The following ITGB2 variants were observed in gnomAD, a reference collection of about 807,000 sequenced individuals.
ITGB2 encodes integrin beta-2.
In ITGB2, 56 loss-of-function variants were observed where a neutral mutation model predicts 86.8. The observed-to-expected ratio is 0.65, with a 90% CI of 0.52 to 0.81. The LOEUF (loss-of-function observed/expected upper bound fraction) is 0.81, where lower values mean the gene tolerates loss of function less well. Among genes scored for constraint, ITGB2 ranks in the 30% least tolerant of loss-of-function variants. The probability of loss-of-function intolerance (pLI) is 0.00; values close to 1 mark genes in which losing one functional copy is unlikely to be tolerated. For synonymous variants in ITGB2, 457 were observed against 450.4 expected (o/e 1.01, Z -0.19); for missense variants, 948 against 1,061.2 (o/e 0.89, Z 1.48).
intron 1 of ITGB2, among the ~76,000 whole-genome samples, chr21:44,919,036 C>A (rs1238473573): frequency 6.6e-6 from 1 of 151,316 alleles, no homozygotes; most frequent in African/African-American, 2.4e-5. Flanking sequence ...TGCAGTTGCT[C>A]AGCTGTTCAT....
chr21:44,914,919 C>T (rs1010385464), intron 1 of ITGB2, among the ~76,000 whole-genome samples: 2 of 149,022 alleles, frequency 1.3e-5, no homozygotes, highest in South Asian at 4.3e-4. Context: ...GTTGACAGAA[C>T]GAGGCCCTGT....
intron 14 of ITGB2, 110 bp downstream of exon 14, chr21:44,888,582 TG>T: frequency 7.9e-7 from 1 of 1,264,520 alleles, no homozygotes; most frequent in Non-Finnish European, 1.1e-6. Context: ...TCCACCCTGC[TG>T]GGCCCACAAC....
Position 44,903,510 on chromosome 21 carries a change from G to T in ITGB2, c.354C>A (p.Thr118=), listed in dbSNP as rs1002639143. Residue 118 remains threonine, a synonymous_variant, in exon 5 of 16, where the codon ACC becomes ACA. Coordinates refer to ENST00000652462, the MANE Select transcript of ITGB2 (RefSeq NM_000211.5). ...RPGQAAAFNV[T]FRRAKGYPID... is the part of the protein sequence containing the mutation. Reference sequence around the variant, plus strand: ...TGGGGTAGCCCTTGGCCCGCCGGAAGGTCACGTTGAACGCTGCTGCCTGGC... The same window carrying T: ...TGGGGTAGCCCTTGGCCCGCCGGAATGTCACGTTGAACGCTGCTGCCTGGC... The T allele has an allele frequency of 1.2e-6, 2 of 1,613,982 alleles. No homozygotes were observed. The highest frequency in any genetic ancestry group is 1.7e-6 in the Non-Finnish European group (2 of 1,179,992).
chr21:44,898,630 G>C (rs1336399181), intron 8 of ITGB2, among the ~76,000 whole-genome samples: 1 of 152,204 alleles, frequency 6.6e-6, no homozygotes, highest in African/African-American at 2.4e-5. Flanking sequence ...GCAGAGGCTG[G>C]TTATCAGCTG....
intron 1 of ITGB2, among the ~76,000 whole-genome samples, chr21:44,918,541 G>A (rs1001518331): frequency 5.3e-5 from 8 of 152,190 alleles, no homozygotes; most frequent in East Asian, 1.9e-4. Context: ...ACTGAGTCAC[G>A]GGGGACCAAA....
chr21:44,919,559 C>T (rs2084267306), intron 1 of ITGB2, among the ~76,000 whole-genome samples: 1 of 152,228 alleles, frequency 6.6e-6, no homozygotes, highest in South Asian at 2.1e-4. Flanking sequence ...CTTCTAGCAG[C>T]TCATTTCTGT....
At chr21:44,926,599 C>T (rs959773020) in intron 1 of ITGB2, among the ~76,000 whole-genome samples, 1 of 152,158 alleles carries the variant, frequency 6.6e-6, no homozygotes, top group African/African-American at 2.4e-5. Flanking sequence ...CTGAGGAGTC[C>T]GTCCCTAAGA....
intron 1 of ITGB2, 28 bp from the exon 2 acceptor site, chr21:44,910,813 G>C (rs140701477): frequency 6.2e-7 from 1 of 1,607,646 alleles, no homozygotes; most frequent in East Asian, 2.2e-5. Flanking sequence ...CTTGGTGACG[G>C]TCTCAGGCCC....
In ITGB2 at chr21:44,903,305, G is replaced by T. The variant is rs574179767; in HGVS notation, c.499+60C>A. On this transcript the variant is annotated intron_variant, in intron 5 of 15. Coordinates refer to ENST00000652462, the MANE Select transcript of ITGB2 (RefSeq NM_000211.5). Reference sequence around the variant, plus strand: ...GTGCGAGGAGTTGTGTGGGCCACAGGCAGGAGTGGCCAGGGTCTGGGAAAG... The same window carrying T: ...GTGCGAGGAGTTGTGTGGGCCACAGTCAGGAGTGGCCAGGGTCTGGGAAAG... The T allele has an allele frequency of 6.3e-6, 10 of 1,593,564 alleles. No individual in the cohort carries two copies. In the South Asian group the frequency reaches 6.6e-5, roughly 11 times the overall value.
intron 9 of ITGB2, 123 bp downstream of exon 9, chr21:44,894,848 G>T (rs2083840322): frequency 1.3e-6 from 1 of 756,202 alleles, no homozygotes; most frequent in Non-Finnish European, 2.4e-6. Context: ...GCTGCAGCTG[G>T]CCCACGGGGC....
chr21:44,901,703 A>G lies in ITGB2; in HGVS notation c.530T>C (p.Leu177Pro), dbSNP rs773467719. Residue 177 changes from leucine to proline, a missense_variant, in exon 6 of 16, where the codon CTG becomes CCG. By Grantham distance (98) the Leu-to-Pro change is moderately conservative. Transcript: ENST00000652462. Reference sequence around the variant, plus strand: ...ATCAGGGTGCGTGTTCACGAACGGCAGCACGGTCTTGTCCACGAAGGACCC... The same window carrying G: ...ATCAGGGTGCGTGTTCACGAACGGCGGCACGGTCTTGTCCACGAAGGACCC... ...GFGSFVDKTV[L>P]PFVNTHPDKL... 6.2e-7 allele frequency: 1 copy of G among 1,612,864 alleles called. No homozygotes were observed. Among genetic ancestry groups the G allele is most frequent in the East Asian group, 2.2e-5 (1 of 44,844 alleles).
At chr21:44,924,066 G>A (rs1210142276), upstream of ITGB2, among the ~76,000 whole-genome samples, 1 of 152,014 alleles carries the variant, frequency 6.6e-6, no homozygotes, top group Admixed American at 6.6e-5. Flanking sequence ...ATAAAACAAA[G>A]ACTGACAAAT....
chr21:44,901,872 G>T, intron 5 of ITGB2, 139 bp from the exon 6 acceptor site: 1 of 927,202 alleles, frequency 1.1e-6, no homozygotes, highest in Non-Finnish European at 1.6e-6. Flanking sequence ...CATGTGGAGT[G>T]TGTGTGTGAG....
chr21:44,917,696 C>T (rs1313395119), intron 1 of ITGB2, among the ~76,000 whole-genome samples: 2 of 152,216 alleles, frequency 1.3e-5, no homozygotes, highest in Non-Finnish European at 2.9e-5. Context: ...GGACTCTGCC[C>T]TCTGCTGAGA....
intron 1 of ITGB2, among the ~76,000 whole-genome samples, chr21:44,916,679 G>C (rs1164839062): frequency 2.0e-5 from 3 of 151,978 alleles, no homozygotes; most frequent in East Asian, 1.9e-4. Flanking sequence ...ACCAGCCTGA[G>C]CAACATAGTG....
At position 44,889,265 on chromosome 21, in the gene ITGB2, C is replaced by A; in HGVS notation, c.1877+11G>T. 6.2e-7 allele frequency: 1 copy of A among 1,612,040 alleles called. No individual in the cohort carries two copies. The highest frequency in any genetic ancestry group is 1.1e-5 in the South Asian group (1 of 91,044). On this transcript the variant is annotated intron_variant, in intron 13 of 15. Coordinates refer to ENST00000652462, the MANE Select transcript of ITGB2 (RefSeq NM_000211.5). ...ATCCCTGCCCGCCCTGCCTGCTCCG[C>A]CTGCACTCACATGTACTTGCCACAG...
chr21:44,894,794 G>A (rs1330740280), intron 9 of ITGB2, 177 bp downstream of exon 9: 2 of 662,770 alleles, frequency 3.0e-6, no homozygotes, highest in Non-Finnish European at 5.5e-6. Context: ...CCCCGTGGAA[G>A]TGCCGGGCCA....
intron 8 of ITGB2, among the ~76,000 whole-genome samples, chr21:44,895,840 T>TG (rs201826923): frequency 0.19 from 26,456 of 138,544 alleles, 2,794 homozygotes; most frequent in East Asian, 0.24. Context: ...CTCAATAAAA[T>TG]AAAATGAAAT....
At chr21:44,908,139 C>A in intron 3 of ITGB2, 2 of 739,166 alleles carry the variant, frequency 2.7e-6, no homozygotes, top group Non-Finnish European at 5.0e-6. Context: ...CCTCCGGGGA[C>A]TGCTCGCCGC....
Sources: gnomAD v4.1 joint callset for allele counts (sites outside exome capture counted in the v4.1 genomes callset) on GRCh38, gnomAD v4.1.1 for gene constraint, MANE v1.5 for transcripts, NCBI Gene and HGNC (gene_info 2026-07-23, HGNC 2026-07-21) for gene names.